Variants in TDRD3 observed in about 807,000 individuals in gnomAD.
The protein encoded by TDRD3 is tudor domain containing 3, also known as tudor domain-containing protein 3.
In TDRD3, 45 loss-of-function variants were observed where a neutral mutation model predicts 86.7. That is an observed-to-expected ratio of 0.52 (90% CI 0.41 to 0.67). The LOEUF is 0.67. Among genes scored for constraint, TDRD3 ranks in the 30% least tolerant of loss-of-function variants. The pLI is 0.00. For missense variants in TDRD3, 814 were observed against 889.0 expected, an observed-to-expected ratio of 0.92 and a Z score of 1.07; for synonymous variants, 298 against 301.7, an observed-to-expected ratio of 0.99 and a Z score of 0.13.
At chr13:60,477,947 G>C (rs1029446651) in intron 5 of TDRD3, among the ~76,000 whole-genome samples, 6 of 152,120 alleles carry the variant, frequency 3.9e-5, no homozygotes, top group Non-Finnish European at 8.8e-5. Flanking sequence ...GGTAGGATTG[G>C]TATCAGTTCT....
At chr13:60,512,510 C>A (rs1473091701) in intron 10 of TDRD3, among the ~76,000 whole-genome samples, 2 of 152,160 alleles carry the variant, frequency 1.3e-5, no homozygotes, top group African/African-American at 4.8e-5. Context: ...TGAGACAAGG[C>A]AAATCTCTTC....
At chr13:60,422,349 T>C (rs1268230589) in intron 1 of TDRD3, among the ~76,000 whole-genome samples, 1 of 152,188 alleles carries the variant, frequency 6.6e-6, no homozygotes, top group Non-Finnish European at 1.5e-5. Flanking sequence ...AAGGGTGACA[T>C]TGGACTAGAA....
At position 60,480,503 on chromosome 13, in the gene TDRD3, C is replaced by T. The variant is rs559942473; in HGVS notation, c.496-3272C>T. Reference sequence around the variant, plus strand: ...TCTTGCATAGTATGTCACAGAGGTTCTTTGAATTTCTTCAGTTTGCATGTT... The same window carrying T: ...TCTTGCATAGTATGTCACAGAGGTTTTTTGAATTTCTTCAGTTTGCATGTT... On this transcript the variant is annotated intron_variant, in intron 5 of 13. Coordinates refer to ENST00000377881, the MANE Select transcript of TDRD3 (RefSeq NM_001146070.2). Among the ~76,000 whole-genome samples the T allele has an allele frequency of 8.5e-5, 13 of 152,206 alleles. No individual in the cohort carries two copies. In the South Asian group the frequency reaches 2.7e-3, roughly 32 times the overall value.
At chr13:60,535,016 T>C (rs1333879020) in intron 11 of TDRD3, 92 bp from the exon 12 acceptor site, 1 of 1,475,074 alleles carries the variant, frequency 6.8e-7, no homozygotes, top group Non-Finnish European at 9.2e-7. Context: ...ATATTACACA[T>C]TGGAACACTT....
intron 10 of TDRD3, among the ~76,000 whole-genome samples, chr13:60,523,775 C>A (rs1260121164): frequency 6.6e-6 from 1 of 151,898 alleles, no homozygotes; most frequent in Admixed American, 6.6e-5. Context: ...TGGGGTTTCA[C>A]CATGTTGGCC....
At chr13:60,412,204 C>G (rs1954384395) in intron 1 of TDRD3, among the ~76,000 whole-genome samples, 1 of 152,120 alleles carries the variant, frequency 6.6e-6, no homozygotes, top group Non-Finnish European at 1.5e-5. Flanking sequence ...TGTGGATTGG[C>G]ATTAATCCAT....
chr13:60,463,531 A>T (rs1404917891), intron 4 of TDRD3, among the ~76,000 whole-genome samples: 2 of 152,120 alleles, frequency 1.3e-5, no homozygotes, highest in African/African-American at 4.8e-5. Flanking sequence ...CAAACTAAAA[A>T]GCTTCTGCAC....
intron 10 of TDRD3, among the ~76,000 whole-genome samples, chr13:60,513,137 A>G (rs1957095179): frequency 6.6e-6 from 1 of 152,212 alleles, no homozygotes; most frequent in South Asian, 2.1e-4. Flanking sequence ...GCTCAACATC[A>G]TGTGGAAGCT....
intron 12 of TDRD3, among the ~76,000 whole-genome samples, chr13:60,561,179 G>T (rs1177254658): frequency 2.0e-5 from 3 of 151,964 alleles, no homozygotes; most frequent in East Asian, 3.9e-4. Flanking sequence ...AAACCCGAGG[G>T]TTTTTTTCAA....
intron 12 of TDRD3, among the ~76,000 whole-genome samples, chr13:60,540,935 C>T (rs1424134152): frequency 6.6e-6 from 1 of 152,078 alleles, no homozygotes; most frequent in African/African-American, 2.4e-5. Flanking sequence ...TGCCGTCACT[C>T]TTTTTAAAGT....
chr13:60,444,560 A>G (rs1955355249), intron 2 of TDRD3, 123 bp from the exon 3 acceptor site: 22 of 538,368 alleles, frequency 4.1e-5, no homozygotes. Flanking sequence ...TGTAGATCTC[A>G]TGACCAGTTA....
At chr13:60,557,819 G>GTTTTTTTTTTTTTTTTTTTTT (rs1491187240) in intron 12 of TDRD3, among the ~76,000 whole-genome samples, 1 of 89,934 alleles carries the variant, frequency 1.1e-5, no homozygotes, top group Non-Finnish European at 2.6e-5. Context: ...TTTTTTTCCT[G>GTTTTTTTTTTTTTTTTTTTTT]ATTTTTTTTT....
chr13:60,439,620 T>C, intron 1 of TDRD3, 68 bp from the exon 2 acceptor site: 1 of 1,258,610 alleles, frequency 7.9e-7, no homozygotes, highest in Non-Finnish European at 1.1e-6. Flanking sequence ...CAAAATTGCA[T>C]GTAGACTTAA....
rs113042202 is a variant in TDRD3 at position 60,565,875 on chromosome 13, T to C, written c.2119-1650T>C. Reference sequence around the variant, plus strand: ...AAATAACTTCTTTCCTGAATACTTTTATGATTTTCTTACTTTTAATTGCTT... The same window carrying C: ...AAATAACTTCTTTCCTGAATACTTTCATGATTTTCTTACTTTTAATTGCTT... On this transcript the variant is annotated intron_variant, in intron 12 of 13. Transcript: ENST00000377881. 2.9e-4 allele frequency among the ~76,000 whole-genome samples: 44 copies of C among 152,352 alleles called. 1 individual carries two copies. The highest frequency in any genetic ancestry group is 1.1e-3 in the African/African-American group (44 of 41,590).
chr13:60,402,937 A>G (rs1034853750), intron 1 of TDRD3, among the ~76,000 whole-genome samples: 9 of 152,324 alleles, frequency 5.9e-5, no homozygotes, highest in African/African-American at 1.7e-4. Flanking sequence ...TCTTTAATGA[A>G]CATTTGTAAC....
chr13:60,401,061 A>T lies in TDRD3; in HGVS notation c.41+3656A>T, dbSNP rs553574453. 4.1e-4 allele frequency among the ~76,000 whole-genome samples: 63 copies of T among 152,260 alleles called. No homozygotes were observed. In the South Asian group the frequency reaches 8.1e-3, roughly 20 times the overall value. On this transcript the variant is annotated intron_variant, in intron 1 of 13. Coordinates refer to ENST00000377881, the MANE Select transcript of TDRD3 (RefSeq NM_001146070.2). ...GATAAAGGGCTTATTCTGAGGGGTG[A>T]TCCTATTAGAATCAAATAAATCTTT...
chr13:60,483,873 A>C (rs558542361), intron 6 of TDRD3, 27 bp downstream of exon 6: 11 of 1,608,546 alleles, frequency 6.8e-6, no homozygotes, highest in African/African-American at 1.3e-5. Context: ...TGGCAGATGA[A>C]TTTAAATTAG....
Position 60,529,146 on chromosome 13 carries a change from AT to A in TDRD3, c.1923del (p.Pro642LeufsTer37). ...GCCAGAAAAAATACTAGAATCATCT[AT>A]TCCTATGGAGTATGCAAAAATGTGG... ...IKPEKILESSIPMEYAKMWKP... is the reference protein window; with the variant it reads ...IKPEKILESSXPMEYAKMWKP... On this transcript the variant is annotated frameshift_variant, in exon 11 of 14. Transcript: ENST00000377881. LOFTEE classifies it high-confidence loss of function. 2 of 1,613,740 alleles carry A rather than the reference AT, an allele frequency of 1.2e-6. No individual in the cohort carries two copies. The highest frequency in any genetic ancestry group is 8.5e-7 in the Non-Finnish European group (1 of 1,179,838).
intron 1 of TDRD3, among the ~76,000 whole-genome samples, chr13:60,409,318 T>C (rs1433086189): frequency 1.3e-5 from 2 of 152,194 alleles, no homozygotes; most frequent in Non-Finnish European, 2.9e-5. Context: ...GAGTCCCTAC[T>C]GGGGCACTGC....
Sources: gnomAD v4.1 joint callset for allele counts (sites outside exome capture counted in the v4.1 genomes callset) on GRCh38, gnomAD v4.1.1 for gene constraint, MANE v1.5 for transcripts, NCBI Gene and HGNC (gene_info 2026-07-23, HGNC 2026-07-21) for gene names.